The following C10orf67 variants were observed in gnomAD, a reference collection of about 807,000 sequenced individuals.
The protein encoded by C10orf67 is chromosome 10 open reading frame 67, also known as uncharacterized protein C10orf67, mitochondrial.
C10orf67 carries 60 observed loss-of-function variants against 35.6 expected under a neutral mutation model. That is an observed-to-expected ratio of 1.68 (90% CI 1.37 to 2.09). The LOEUF (loss-of-function observed/expected upper bound fraction) is 2.09, where lower values mean the gene tolerates loss of function less well. Ranked by LOEUF, C10orf67 falls within the 30% of genes most tolerant of loss-of-function variation. The probability of loss-of-function intolerance (pLI) is 0.00; values close to 1 mark genes in which losing one functional copy is unlikely to be tolerated. For synonymous variants in C10orf67, 167 were observed against 115.8 expected (o/e 1.44, Z -2.84); for missense variants, 474 against 330.2 (o/e 1.44, Z -3.38).
At chr10:23,255,263 T>C (rs975065007) in intron 10 of C10orf67, among the ~76,000 whole-genome samples, 2 of 152,238 alleles carry the variant, frequency 1.3e-5, no homozygotes, top group Admixed American at 1.3e-4. Flanking sequence ...AAAACATTTA[T>C]CTACATATAT....
intron 8 of C10orf67, among the ~76,000 whole-genome samples, chr10:23,267,763 G>A (rs937193261): frequency 7.9e-5 from 12 of 151,756 alleles, no homozygotes; most frequent in Admixed American, 3.3e-4. Flanking sequence ...AAAATTTTCC[G>A]GGCGTGGTGG....
intron 8 of C10orf67, among the ~76,000 whole-genome samples, chr10:23,281,245 G>A (rs1843355363): frequency 6.6e-6 from 1 of 152,178 alleles, no homozygotes; most frequent in Admixed American, 6.5e-5. Context: ...ACAAAACAGA[G>A]TTAGGGAAAC....
chr10:23,225,879 A>G (rs936883656), intron 13 of C10orf67, among the ~76,000 whole-genome samples: 46 of 152,150 alleles, frequency 3.0e-4, no homozygotes, highest in Non-Finnish European at 6.3e-4. Flanking sequence ...GCAAGTCCTT[A>G]GAGACCTACA....
chr10:23,246,959 G>A (rs2132151095), intron 12 of C10orf67, among the ~76,000 whole-genome samples: 1 of 152,120 alleles, frequency 6.6e-6, no homozygotes, highest in Admixed American at 6.5e-5. Context: ...CCATGTAGCT[G>A]GGACTACAGG....
At chr10:23,339,398 G>T (rs1180815516) in intron 1 of C10orf67, among the ~76,000 whole-genome samples, 2 of 86,802 alleles carry the variant, frequency 2.3e-5, no homozygotes, top group Non-Finnish European at 4.4e-5. Context: ...TGGAAAAAAG[G>T]CAGCAAAAAA....
At chr10:23,281,114 A>C (rs1843351720) in intron 8 of C10orf67, among the ~76,000 whole-genome samples, 1 of 152,204 alleles carries the variant, frequency 6.6e-6, no homozygotes, top group African/African-American at 2.4e-5. Context: ...CGCCAACCAT[A>C]AATTTTTTTC....
chr10:23,212,273 C>T (rs1413740319), intron 15 of C10orf67, among the ~76,000 whole-genome samples: 3 of 152,224 alleles, frequency 2.0e-5, no homozygotes, highest in African/African-American at 7.2e-5. Context: ...TGATTTCAGA[C>T]TTCCAGCCTC....
intron 4 of C10orf67, chr10:23,318,567 G>A (rs1485856071): frequency 7.7e-6 from 2 of 259,648 alleles, no homozygotes; most frequent in Non-Finnish European, 1.5e-5. Context: ...CTGATTCAAG[G>A]GAGGGGAATC....
At chr10:23,220,017 A>G (rs1170243298) in intron 15 of C10orf67, among the ~76,000 whole-genome samples, 1 of 152,164 alleles carries the variant, frequency 6.6e-6, no homozygotes, top group East Asian at 1.9e-4. Flanking sequence ...ACAAAAAATA[A>G]AGAAATTAGC....
chr10:23,331,931 A>G (rs1845503122), intron 2 of C10orf67, among the ~76,000 whole-genome samples: 1 of 152,228 alleles, frequency 6.6e-6, no homozygotes, highest in South Asian at 2.1e-4. Flanking sequence ...AAGACAATAA[A>G]TTGGCAAATA....
chr10:23,238,220 A>G (rs761663000), intron 13 of C10orf67, among the ~76,000 whole-genome samples: 11 of 152,188 alleles, frequency 7.2e-5, no homozygotes, highest in Non-Finnish European at 1.6e-4. Flanking sequence ...CGGTGGATGA[A>G]TGACTAGAGA....
intron 10 of C10orf67, among the ~76,000 whole-genome samples, chr10:23,251,084 G>A (rs771465857): frequency 6.6e-6 from 1 of 152,076 alleles, no homozygotes; most frequent in Admixed American, 6.6e-5. Flanking sequence ...ATGACAGAAC[G>A]AGACCCTGTC....
intron 1 of C10orf67, among the ~76,000 whole-genome samples, chr10:23,338,385 G>A (rs999545171): frequency 6.6e-6 from 1 of 152,128 alleles, no homozygotes; most frequent in African/African-American, 2.4e-5. Context: ...AGCTCCCAAC[G>A]TGGCAGCATG....
intron 5 of C10orf67, among the ~76,000 whole-genome samples, chr10:23,302,129 C>A (rs1242174454): frequency 6.6e-6 from 1 of 152,028 alleles, no homozygotes; most frequent in African/African-American, 2.4e-5. Flanking sequence ...ACAGAGCTCC[C>A]ATACAAAGGG....
chr10:23,255,747 C>T (rs867587941), intron 10 of C10orf67, among the ~76,000 whole-genome samples: 2 of 151,852 alleles, frequency 1.3e-5, no homozygotes, highest in Admixed American at 6.6e-5. Context: ...TAAATTGACA[C>T]GAATTGGTTA....
At chr10:23,232,568 G>A (rs1226403663) in intron 13 of C10orf67, among the ~76,000 whole-genome samples, 3 of 152,142 alleles carry the variant, frequency 2.0e-5, no homozygotes, top group Non-Finnish European at 4.4e-5. Flanking sequence ...TTGCTCATGG[G>A]CTTAGACTAT....
chr10:23,256,153 C>A (rs1171075896), intron 10 of C10orf67, among the ~76,000 whole-genome samples: 1 of 152,086 alleles, frequency 6.6e-6, no homozygotes, highest in Non-Finnish European at 1.5e-5. Flanking sequence ...AGCTGTGCAC[C>A]ACCATGCCTG....
At chr10:23,241,103 C>T (rs897922285) in intron 12 of C10orf67, among the ~76,000 whole-genome samples, 4 of 152,208 alleles carry the variant, frequency 2.6e-5, no homozygotes, top group African/African-American at 9.6e-5. Context: ...GCCTTGAAAC[C>T]TAATGGCGTT....
At chr10:23,309,890 T>C (rs2132303408) in intron 4 of C10orf67, among the ~76,000 whole-genome samples, 1 of 152,334 alleles carries the variant, frequency 6.6e-6, no homozygotes. Context: ...TTTCAGTCGG[T>C]CCTCAAACTT....
Sources: allele counts gnomAD v4.1 joint callset (sites outside exome capture counted in the v4.1 genomes callset), GRCh38; gene constraint gnomAD v4.1.1; transcripts MANE v1.5; gene names NCBI Gene and HGNC (gene_info 2026-07-23, HGNC 2026-07-21).